The following GALNTL6 variants were observed in gnomAD, a reference collection of about 807,000 sequenced individuals.
GALNTL6 encodes the protein polypeptide N-acetylgalactosaminyltransferase like 6.
A neutral mutation model predicts 73.7 loss-of-function variants in GALNTL6; 46 were observed. That is an observed-to-expected ratio of 0.62 (90% CI 0.49 to 0.80). The LOEUF (loss-of-function observed/expected upper bound fraction) is 0.80. Ranked by LOEUF, GALNTL6 falls within the 30% of genes least tolerant of loss-of-function variation. The pLI is 0.00. For synonymous variants in GALNTL6, 259 were observed against 263.7 expected, an observed-to-expected ratio of 0.98 and a Z score of 0.17; for missense variants, 604 against 755.0, an observed-to-expected ratio of 0.80 and a Z score of 2.34.
chr4:172,902,608 T>C (rs922265484), intron 8 of GALNTL6, among the ~76,000 whole-genome samples: 10 of 152,186 alleles, frequency 6.6e-5, no homozygotes, highest in Non-Finnish European at 1.3e-4. Context: ...AAGGTTCCAG[T>C]TGAGACAAGT....
At chr4:172,349,982 A>G (rs1300516765) in intron 5 of GALNTL6, among the ~76,000 whole-genome samples, 2 of 152,224 alleles carry the variant, frequency 1.3e-5, no homozygotes, top group East Asian at 3.9e-4. Flanking sequence ...AGATTTTTGA[A>G]AAACAATGTA....
intron 2 of GALNTL6, among the ~76,000 whole-genome samples, chr4:172,180,574 G>A (rs1200786119): frequency 6.6e-6 from 1 of 152,084 alleles, no homozygotes; most frequent in Non-Finnish European, 1.5e-5. Context: ...GGGTTTTTAT[G>A]GTTTTAGGCT....
intron 3 of GALNTL6, among the ~76,000 whole-genome samples, chr4:172,237,147 T>C (rs1336121198): frequency 2.0e-5 from 3 of 152,202 alleles, no homozygotes; most frequent in East Asian, 1.9e-4. Context: ...TCCATGTCTT[T>C]GTTATGGTGA....
intron 3 of GALNTL6, among the ~76,000 whole-genome samples, chr4:172,234,330 T>C (rs1472007243): frequency 6.6e-6 from 1 of 152,196 alleles, no homozygotes; most frequent in African/African-American, 2.4e-5. Flanking sequence ...TGGCATTTTA[T>C]GATTCTCACA....
chr4:171,922,313 C>T (rs1737814883), intron 2 of GALNTL6, among the ~76,000 whole-genome samples: 2 of 151,990 alleles, frequency 1.3e-5, no homozygotes, highest in Admixed American at 6.6e-5. Flanking sequence ...AATTCAATTA[C>T]AGCTAACTTT....
intron 4 of GALNTL6, among the ~76,000 whole-genome samples, chr4:172,328,705 G>C (rs1034682850): frequency 3.3e-5 from 5 of 152,238 alleles, no homozygotes; most frequent in Admixed American, 3.3e-4. Flanking sequence ...CTATTGCATT[G>C]AGAAATTCTC....
At chr4:172,889,603 G>T (rs951989868) in intron 8 of GALNTL6, among the ~76,000 whole-genome samples, 3 of 152,152 alleles carry the variant, frequency 2.0e-5, no homozygotes, top group African/African-American at 7.2e-5. Context: ...GAGGAATGAA[G>T]ACTTCTTGAT....
chr4:172,746,894 G>A (rs572272661), intron 5 of GALNTL6, among the ~76,000 whole-genome samples: 1 of 152,122 alleles, frequency 6.6e-6, no homozygotes, highest in African/African-American at 2.4e-5. Flanking sequence ...AATAGGAAAG[G>A]ATGAAGTAAA....
chr4:172,826,016 C>G (rs1040279530), intron 7 of GALNTL6, among the ~76,000 whole-genome samples: 5 of 152,170 alleles, frequency 3.3e-5, no homozygotes, highest in African/African-American at 9.7e-5. Context: ...TTGAAACATA[C>G]AGTTACAACT....
At chr4:172,413,390 C>T (rs557893651) in intron 5 of GALNTL6, among the ~76,000 whole-genome samples, 2 of 152,300 alleles carry the variant, frequency 1.3e-5, no homozygotes, top group South Asian at 2.1e-4. Context: ...GCAATTCTAA[C>T]GTAACATAAA....
chr4:172,053,843 C>T (rs1007911314), intron 2 of GALNTL6, among the ~76,000 whole-genome samples: 2 of 151,762 alleles, frequency 1.3e-5, no homozygotes, highest in African/African-American at 2.4e-5. Flanking sequence ...GAGGCAAGAC[C>T]TTTAAATTTT....
chr4:171,987,432 G>T (rs921890072), intron 2 of GALNTL6, among the ~76,000 whole-genome samples: 1 of 152,138 alleles, frequency 6.6e-6, no homozygotes, highest in Non-Finnish European at 1.5e-5. Flanking sequence ...AAATGACTGC[G>T]GTGGCCTTCT....
chr4:172,097,487 T>A (rs753188599), intron 2 of GALNTL6, among the ~76,000 whole-genome samples: 4 of 152,126 alleles, frequency 2.6e-5, no homozygotes, highest in Non-Finnish European at 4.4e-5. Context: ...ACTTTATTGA[T>A]AAAATGGAAC....
chr4:172,036,339 GTTAATC>G (rs1741929843), intron 2 of GALNTL6, among the ~76,000 whole-genome samples: 1 of 152,024 alleles, frequency 6.6e-6, no homozygotes, highest in Non-Finnish European at 1.5e-5. Context: ...GTTCACTGCT[GTTAATC>G]TTAAAAGTTT....
At chr4:172,122,907 T>C (rs1461201003) in intron 2 of GALNTL6, among the ~76,000 whole-genome samples, 1 of 152,234 alleles carries the variant, frequency 6.6e-6, no homozygotes, top group African/African-American at 2.4e-5. Flanking sequence ...ATTCAGGATC[T>C]AGTCAGTTTA....
chr4:172,058,103 G>A (rs907510216), intron 2 of GALNTL6, among the ~76,000 whole-genome samples: 1 of 89,706 alleles, frequency 1.1e-5, no homozygotes, highest in Non-Finnish European at 2.6e-5. Context: ...CTGTCACCCA[G>A]GCTGAAGTGG....
intron 5 of GALNTL6, among the ~76,000 whole-genome samples, chr4:172,384,677 G>A (rs1431587475): frequency 2.0e-5 from 3 of 151,750 alleles, no homozygotes; most frequent in Non-Finnish European, 4.4e-5. Flanking sequence ...TTCTTTAGAT[G>A]GAAGGTTAGG....
intron 5 of GALNTL6, among the ~76,000 whole-genome samples, chr4:172,749,057 T>C (rs1736357536): frequency 6.6e-6 from 1 of 151,286 alleles, no homozygotes; most frequent in South Asian, 2.1e-4. Flanking sequence ...CATAGGCATT[T>C]GTCACCAGGC....
intron 5 of GALNTL6, among the ~76,000 whole-genome samples, chr4:172,535,313 T>A (rs1360627339): frequency 6.6e-6 from 1 of 152,194 alleles, no homozygotes; most frequent in Non-Finnish European, 1.5e-5. Flanking sequence ...AAACAGTTTA[T>A]TCATTCCAGT....
Sources: gnomAD v4.1 joint callset for allele counts (sites outside exome capture counted in the v4.1 genomes callset) on GRCh38, gnomAD v4.1.1 for gene constraint, MANE v1.5 for transcripts, NCBI Gene and HGNC (gene_info 2026-07-23, HGNC 2026-07-21) for gene names.